Variants in DMKN observed in about 807,000 individuals in gnomAD.
DMKN encodes the protein dermokine.
In DMKN, 58 loss-of-function variants were observed where a neutral mutation model predicts 67.6. The ratio of observed to expected loss-of-function variants is 0.86; its 90% CI spans 0.69 to 1.07. The LOEUF (loss-of-function observed/expected upper bound fraction) is 1.07, where lower values mean the gene tolerates loss of function less well. Ranked by LOEUF, DMKN falls within the 50% of genes least tolerant of loss-of-function variation. The probability of loss-of-function intolerance (pLI) is 0.00; values close to 1 mark genes in which losing one functional copy is unlikely to be tolerated. For synonymous variants in DMKN, 240 were observed against 232.3 expected, an observed-to-expected ratio of 1.03 and a Z score of -0.30; for missense variants, 596 against 601.5, an observed-to-expected ratio of 0.99 and a Z score of 0.10.
In DMKN at chr19:35,511,906, G is replaced by C. The variant is rs1329622765; in HGVS notation, c.685-93C>G. 5.7e-6 allele frequency: 8 copies of C among 1,396,032 alleles called. No homozygotes were observed. The Admixed American group carries it at 7.8e-5, about 14-fold the overall frequency. 86.5% of individuals were successfully genotyped at this position (1,396,032 alleles called of 1,614,324 possible). ...ACAGGCCAGGCCTCTCCCATTCTTT[G>C]GGGCTTGGCTTCCTTTCTCCTAATG... On this transcript the variant is annotated intron_variant, in intron 3 of 15. Coordinates refer to ENST00000339686, the MANE Select transcript of DMKN (RefSeq NM_033317.5).
At position 35,500,545 on chromosome 19, in the gene DMKN, G is replaced by T. The variant is rs767044882; in HGVS notation, c.1275C>A (p.Gly425=). The T allele has an allele frequency of 1.9e-6, 3 of 1,612,668 alleles. No individual in the cohort carries two copies. In the East Asian group the frequency reaches 6.7e-5, roughly 36 times the overall value. ...GACAGAGACTCACCTGATCGTCTCT[G>T]CCTGCACGTTTCTGCAGTGATGACG... ...ADASSLQKRA[G]RDDQNYNYNQ... is the part of the protein sequence containing the mutation. Residue 425 remains glycine, a synonymous_variant, in exon 12 of 16, where the codon GGC becomes GGA. Transcript: ENST00000339686.
At position 35,513,443 on chromosome 19, in the gene DMKN, C is replaced by G. The variant is rs2071118777; in HGVS notation, c.33G>C (p.Leu11=). 1 of 1,601,298 alleles carries G rather than the reference C, an allele frequency of 6.2e-7. No individual in the cohort carries two copies. Among genetic ancestry groups the G allele is most frequent in the Non-Finnish European group, 8.5e-7 (1 of 1,179,814 alleles). Reference sequence around the variant, plus strand: ...CCCCACTGCCCAGGCAGAGGGCCAGCAGGAGGCAGGCCAGGGGCCCCTGGA... The same window carrying G: ...CCCCACTGCCCAGGCAGAGGGCCAGGAGGAGGCAGGCCAGGGGCCCCTGGA... The part of the protein sequence containing the change: MKFQGPLACL[L]LALCLGSGEA... Residue 11 remains leucine, a synonymous_variant, in exon 1 of 16, where the codon CTG becomes CTC. Coordinates refer to ENST00000339686, the MANE Select transcript of DMKN (RefSeq NM_033317.5).
Position 35,510,212 on chromosome 19 carries a change from C to T in DMKN, c.959G>A (p.Ser320Asn). The change falls in exon 6 of 16, where the codon AGC (serine) becomes AAC (asparagine). Residue 320 changes from serine to asparagine, a missense_variant. Ser to Asn is a conservative substitution (Grantham distance 46). Coordinates refer to ENST00000339686, the MANE Select transcript of DMKN (RefSeq NM_033317.5). ...TGSSSGNHGG[S>N]GGGNGHKPGC... The stretch of plus-strand genomic sequence containing the variant: ...GGGTTTATGTCCATTTCCTCCGCCG[C>T]TCCCACCGTGGTTGCCGGAGGAGGA... 1 of 1,609,324 alleles carries T rather than the reference C, an allele frequency of 6.2e-7. No homozygotes were observed. Among genetic ancestry groups the T allele is most frequent in the Non-Finnish European group, 8.5e-7 (1 of 1,178,046 alleles).
At chr19:35,507,534 G>A (rs1055756268) in intron 7 of DMKN, 1 of 1,550,928 alleles carries the variant, frequency 6.4e-7, no homozygotes, top group Admixed American at 2.0e-5. Flanking sequence ...AAAACGGAGA[G>A]GAGTTGATGG....
chr19:35,498,842 C>T (rs2067889742), intron 14 of DMKN, 32 bp downstream of exon 14: 2 of 1,614,184 alleles, frequency 1.2e-6, no homozygotes, highest in African/African-American at 2.7e-5. Flanking sequence ...CTTCTCTCTC[C>T]AGCCAGATGA....
rs758243812 is a variant in DMKN at position 35,512,716 on chromosome 19, A to G, written c.501T>C (p.Gly167=). The change falls in exon 2 of 16, where the codon GGT becomes GGC. Residue 167 remains glycine, a synonymous_variant. Transcript: ENST00000339686. The part of the protein sequence containing the change: ...LGGQGQGNPG[G]LGTPWVHGYP... ...ATCCGTGGACCCACGGAGTCCCCAG[A>G]CCTCCAGGATTGCCCTGGCCCTGGC... 1 of 1,614,050 alleles carries G rather than the reference A, an allele frequency of 6.2e-7. No individual in the cohort carries two copies. Among genetic ancestry groups the G allele is most frequent in the Middle Eastern group, 1.6e-4 (1 of 6,062 alleles).
Position 35,499,848 on chromosome 19 carries a change from C to T in DMKN, c.1359+110G>A, listed in dbSNP as rs554120764. The T allele has an allele frequency of 3.5e-5, 40 of 1,146,066 alleles. No individual in the cohort carries two copies. The African/African-American group carries it at 3.5e-4, about 10-fold the overall frequency. The allele number at this position is 1,146,066 out of a possible 1,614,324, so 71.0% of individuals were successfully genotyped here. A position where few individuals can be genotyped will look rare whatever the true frequency, so the allele number is the denominator to read the frequency against. ...TGGGGAGGCCTGGACTCAAAGAGAG[C>T]GGGATCCGGCCTCCGGCAACCAACC... On this transcript the variant is annotated intron_variant, in intron 13 of 15. Coordinates refer to ENST00000339686, the MANE Select transcript of DMKN (RefSeq NM_033317.5).
intron 7 of DMKN, chr19:35,507,078 G>A (rs890068838): frequency 6.7e-5 from 13 of 195,446 alleles, no homozygotes; most frequent in Non-Finnish European, 1.3e-4. Context: ...AAAGTGCTGG[G>A]ATTACAGTTA....
chr19:35,506,175 G>A (rs62111739), intron 7 of DMKN, 189 bp from the exon 8 acceptor site: 10 of 1,527,466 alleles, frequency 6.5e-6, no homozygotes, highest in South Asian at 1.2e-5. Context: ...GCCCCAGCTC[G>A]ACCCTTGCCC....
intron 7 of DMKN, chr19:35,506,419 G>A: frequency 1.5e-6 from 1 of 648,244 alleles, no homozygotes; most frequent in Non-Finnish European, 2.8e-6. Flanking sequence ...TCAATATTCA[G>A]ACTCTTGCCT....
intron 10 of DMKN, 27 bp downstream of exon 10, chr19:35,502,803 T>C (rs766199260): frequency 5.0e-6 from 8 of 1,613,426 alleles, no homozygotes; most frequent in Non-Finnish European, 5.9e-6. Context: ...AGGCCCCCAG[T>C]TCTTCAAACA....
intron 11 of DMKN, among the ~76,000 whole-genome samples, chr19:35,501,022 C>T (rs1279473902): frequency 1.3e-5 from 2 of 152,168 alleles, no homozygotes; most frequent in Admixed American, 6.5e-5. Context: ...GCAGAAGCTG[C>T]GTGCTTAGGT....
chr19:35,503,488 T>TCG (rs1568583763), intron 9 of DMKN: 27 of 1,537,650 alleles, frequency 1.8e-5, no homozygotes, highest in South Asian at 1.2e-5. Context: ...TTTTTTTTTT[T>TCG]TTTTTGAGAT....
chr19:35,501,678 T>A, intron 11 of DMKN: 1 of 822,538 alleles, frequency 1.2e-6, no homozygotes, highest in Non-Finnish European at 1.8e-6. Flanking sequence ...CTTCAGACCC[T>A]CAGCAGCTGC....
intron 12 of DMKN, 199 bp from the exon 13 acceptor site, chr19:35,500,228 G>C: frequency 8.0e-7 from 1 of 1,252,494 alleles, no homozygotes; most frequent in Non-Finnish European, 1.1e-6. Flanking sequence ...TACTGTCCTA[G>C]CCCAAATGGC....
At chr19:35,501,720 C>A in intron 11 of DMKN, 2 of 1,257,296 alleles carry the variant, frequency 1.6e-6, no homozygotes, top group Non-Finnish European at 2.2e-6. Context: ...CCCCTGCACA[C>A]CGCCCTCCCG....
rs748536421 is a variant in DMKN at position 35,503,464 on chromosome 19, GT to G, written c.1135-579del. 8.2e-5 allele frequency: 120 copies of G among 1,458,386 alleles called. No individual in the cohort carries two copies. In the South Asian group the frequency reaches 9.0e-4, roughly 11 times the overall value. The allele number at this position is 1,458,386 out of a possible 1,614,324, so 90.3% of individuals were successfully genotyped here. ...TCTCTGGTCCTGGGCAAAGAAACAG[GT>G]TTTTTTTTGTTTTTTTTTTTTTTTT... On this transcript the variant is annotated intron_variant, in intron 9 of 15. Transcript: ENST00000339686.
intron 12 of DMKN, 187 bp downstream of exon 12, chr19:35,500,346 G>A (rs532251186): frequency 1.8e-5 from 28 of 1,549,262 alleles, no homozygotes; most frequent in Admixed American, 7.9e-5. Context: ...GTGCCAGGAC[G>A]TAACCCAGCG....
chr19:35,501,887 G>A, intron 11 of DMKN: 1 of 1,581,762 alleles, frequency 6.3e-7, no homozygotes, highest in Non-Finnish European at 8.6e-7. Context: ...AGAGGCAGTG[G>A]CCGGCTTCAT....
Sources: allele counts gnomAD v4.1 joint callset (sites outside exome capture counted in the v4.1 genomes callset), GRCh38; gene constraint gnomAD v4.1.1; transcripts MANE v1.5; gene names NCBI Gene and HGNC (gene_info 2026-07-23, HGNC 2026-07-21).